Variants in LPCAT2 observed in about 807,000 individuals in gnomAD.
LPCAT2 encodes the protein 1-AGP acyltransferase 11.
LPCAT2 carries 58 observed loss-of-function variants against 64.7 expected under a neutral mutation model. The observed-to-expected ratio is 0.90, with a 90% CI of 0.73 to 1.12. The LOEUF (loss-of-function observed/expected upper bound fraction) is 1.12. LPCAT2 is among the 50% of genes most tolerant of loss of function. The pLI is 0.00. For missense variants in LPCAT2, 579 were observed against 669.8 expected (o/e 0.86, Z 1.50); for synonymous variants, 252 against 245.3 (o/e 1.03, Z -0.26).
chr16:55,552,332 T>C (rs1326022442), intron 11 of LPCAT2, among the ~76,000 whole-genome samples: 2 of 152,242 alleles, frequency 1.3e-5, no homozygotes, highest in Non-Finnish European at 2.9e-5. Flanking sequence ...CATAGTTACT[T>C]TATCTATTCC....
chr16:55,551,189 T>C, intron 11 of LPCAT2, 87 bp downstream of exon 11: 1 of 1,249,678 alleles, frequency 8.0e-7, no homozygotes, highest in Non-Finnish European at 1.1e-6. Context: ...AAAAACTTGA[T>C]AGGTCAGTGT....
Position 55,537,639 on chromosome 16 carries a change from C to A in LPCAT2, c.852+7C>A. 1.9e-6 allele frequency: 3 copies of A among 1,612,374 alleles called. No homozygotes were observed. In the South Asian group the frequency reaches 3.3e-5, roughly 18 times the overall value. Reference sequence around the variant, plus strand: ...CACAAAGGTAGAAGTTGAGGTAAGTCATTCAAAATGTGGCCTTGGAACTTG... The same window carrying A: ...CACAAAGGTAGAAGTTGAGGTAAGTAATTCAAAATGTGGCCTTGGAACTTG... On this transcript the variant is annotated splice_region_variant and intron_variant, in intron 8 of 13. Coordinates refer to ENST00000262134, the MANE Select transcript of LPCAT2 (RefSeq NM_017839.5).
At chr16:55,579,634 C>T (rs1471507643) in intron 13 of LPCAT2, among the ~76,000 whole-genome samples, 3 of 152,164 alleles carry the variant, frequency 2.0e-5, no homozygotes, top group African/African-American at 7.2e-5. Flanking sequence ...ACTATTGACT[C>T]TACACTTTAG....
intron 2 of LPCAT2, among the ~76,000 whole-genome samples, chr16:55,526,464 C>G (rs1403602652): frequency 2.0e-5 from 3 of 152,102 alleles, no homozygotes; most frequent in African/African-American, 7.2e-5. Context: ...ATTTAAATCT[C>G]AAATGTGAGT....
At chr16:55,541,965 G>C in intron 8 of LPCAT2, 1 of 1,218,618 alleles carries the variant, frequency 8.2e-7, no homozygotes, top group Non-Finnish European at 1.1e-6. Context: ...CATTTGTTAA[G>C]ATTGTCCTTT....
At chr16:55,555,044 TATA>T (rs1199837746) in intron 11 of LPCAT2, among the ~76,000 whole-genome samples, 3 of 152,134 alleles carry the variant, frequency 2.0e-5, no homozygotes, top group Admixed American at 6.5e-5. Context: ...CCATAGCAGA[TATA>T]ATAATAATAA....
intron 11 of LPCAT2, among the ~76,000 whole-genome samples, chr16:55,570,213 A>G (rs781387670): frequency 5.9e-5 from 9 of 152,202 alleles, no homozygotes; most frequent in Non-Finnish European, 1.2e-4. Context: ...TGAACAGCAA[A>G]CTACCAGAAA....
intron 11 of LPCAT2, among the ~76,000 whole-genome samples, chr16:55,556,030 G>A (rs1255380830): frequency 6.6e-6 from 1 of 152,096 alleles, no homozygotes; most frequent in African/African-American, 2.4e-5. Flanking sequence ...GGCCAGGCTG[G>A]TCTTGAACTC....
In LPCAT2 at chr16:55,572,957, A is replaced by G. The variant is rs11864815; in HGVS notation, c.1216-1674A>G. ...GAAAAGGAAAAACAAAAAACAAAAC[A>G]AAACAAAAACAGCTCTCTGACAGAC... On this transcript the variant is annotated intron_variant, in intron 11 of 13. Coordinates refer to ENST00000262134, the MANE Select transcript of LPCAT2 (RefSeq NM_017839.5). Among the ~76,000 whole-genome samples the G allele has an allele frequency of 1.8e-3, 275 of 152,340 alleles. 2 individuals are homozygous for G. The highest frequency in any genetic ancestry group is 6.3e-3 in the African/African-American group (261 of 41,574).
chr16:55,520,471 C>A (rs1963079503), intron 1 of LPCAT2, among the ~76,000 whole-genome samples: 1 of 151,814 alleles, frequency 6.6e-6, no homozygotes, highest in East Asian at 1.9e-4. Flanking sequence ...ACAATCAAAC[C>A]AAAGATTAAT....
chr16:55,545,315 G>T (rs1174193662), intron 8 of LPCAT2, among the ~76,000 whole-genome samples: 12 of 151,966 alleles, frequency 7.9e-5, no homozygotes, highest in African/African-American at 2.9e-4. Flanking sequence ...AAGATGAAAG[G>T]CAAAGAGAAA....
chr16:55,518,472 A>C (rs1223297470), intron 1 of LPCAT2, among the ~76,000 whole-genome samples: 1 of 152,194 alleles, frequency 6.6e-6, no homozygotes, highest in Non-Finnish European at 1.5e-5. Flanking sequence ...AAACAACCAA[A>C]AGAATCTTGA....
intron 11 of LPCAT2, 98 bp from the exon 12 acceptor site, chr16:55,574,533 G>A: frequency 1.2e-6 from 1 of 805,002 alleles, no homozygotes; most frequent in Non-Finnish European, 2.2e-6. Flanking sequence ...TGAATGATGA[G>A]GTTGAGCTAT....
intron 2 of LPCAT2, among the ~76,000 whole-genome samples, chr16:55,526,716 G>GT (rs1387139753): frequency 6.6e-6 from 1 of 152,080 alleles, no homozygotes; most frequent in Non-Finnish European, 1.5e-5. Context: ...ATTCTTTTCA[G>GT]ATTACCTCTT....
At chr16:55,578,760 A>C (rs1386721298) in intron 12 of LPCAT2, among the ~76,000 whole-genome samples, 1 of 152,154 alleles carries the variant, frequency 6.6e-6, no homozygotes, top group Non-Finnish European at 1.5e-5. Context: ...ATCACTTGCC[A>C]TTCTTTGTAT....
intron 3 of LPCAT2, 148 bp downstream of exon 3, chr16:55,528,742 T>C: frequency 3.1e-6 from 2 of 652,400 alleles, no homozygotes; most frequent in Non-Finnish European, 5.2e-6. Flanking sequence ...AGTTACTACA[T>C]GGAAATAGTA....
chr16:55,577,414 T>A (rs1397803666), intron 12 of LPCAT2, among the ~76,000 whole-genome samples: 1 of 152,182 alleles, frequency 6.6e-6, no homozygotes, highest in Non-Finnish European at 1.5e-5. Flanking sequence ...ATTATCTGCC[T>A]GGATTTGGAT....
chr16:55,523,888 A>G (rs1206063253), intron 1 of LPCAT2, among the ~76,000 whole-genome samples: 2 of 151,826 alleles, frequency 1.3e-5, no homozygotes, highest in Non-Finnish European at 3.0e-5. Context: ...AACTTAAAAT[A>G]GGTGTTTTTT....
intron 12 of LPCAT2, among the ~76,000 whole-genome samples, chr16:55,577,595 G>C (rs1249131987): frequency 6.6e-6 from 1 of 152,110 alleles, no homozygotes; most frequent in African/African-American, 2.4e-5. Context: ...TTTGATCAGT[G>C]CTTATAAAAA....
Sources: gnomAD v4.1 joint callset for allele counts (sites outside exome capture counted in the v4.1 genomes callset) on GRCh38, gnomAD v4.1.1 for gene constraint, MANE v1.5 for transcripts, NCBI Gene and HGNC (gene_info 2026-07-23, HGNC 2026-07-21) for gene names.